TRPM3: variants seen among roughly 807,000 people sequenced by gnomAD.
TRPM3 encodes transient receptor potential cation channel subfamily M member 3.
In TRPM3, 77 loss-of-function variants were observed where a neutral mutation model predicts 181.2. The ratio of observed to expected loss-of-function variants is 0.42; its 90% CI spans 0.35 to 0.51. The LOEUF (loss-of-function observed/expected upper bound fraction) is 0.51, where lower values mean the gene tolerates loss of function less well. TRPM3 is among the 20% of genes least tolerant of loss of function. TRPM3 has a pLI of 0.01. For missense variants in TRPM3, 1,759 were observed against 2,196.7 expected, an observed-to-expected ratio of 0.80 and a Z score of 3.98; for synonymous variants, 745 against 796.4, an observed-to-expected ratio of 0.94 and a Z score of 1.09.
At chr9:70,699,568 A>G (rs1406478236) in intron 8 of TRPM3, among the ~76,000 whole-genome samples, 2 of 152,202 alleles carry the variant, frequency 1.3e-5, no homozygotes, top group African/African-American at 2.4e-5. Context: ...GGCACTTTAT[A>G]TACATTACCT....
At chr9:71,155,525 T>TATTTTA (rs2075955480) in intron 1 of TRPM3, among the ~76,000 whole-genome samples, 1 of 149,570 alleles carries the variant, frequency 6.7e-6, no homozygotes. Context: ...TATTTTATTT[T>TATTTTA]TGCATAATTA....
intron 25 of TRPM3, among the ~76,000 whole-genome samples, chr9:70,545,546 TTC>T (rs1392355172): frequency 1.5e-5 from 1 of 66,272 alleles, no homozygotes; most frequent in Non-Finnish European, 2.8e-5. Context: ...TTAATTTTCT[TTC>T]TTTTTTTTTT....
chr9:70,851,836 G>A (rs1015383067), intron 3 of TRPM3, among the ~76,000 whole-genome samples: 51 of 151,830 alleles, frequency 3.4e-4, no homozygotes, highest in African/African-American at 1.2e-3. Context: ...AAAAAATTCC[G>A]GCCAGGCGCA....
At chr9:71,190,897 C>G (rs2077980381) in intron 1 of TRPM3, among the ~76,000 whole-genome samples, 1 of 151,820 alleles carries the variant, frequency 6.6e-6, no homozygotes, top group African/African-American at 2.4e-5. Flanking sequence ...CACAGGTTCC[C>G]TGCCAACAAA....
intron 1 of TRPM3, among the ~76,000 whole-genome samples, chr9:71,234,373 G>T (rs1186235683): frequency 6.6e-6 from 1 of 152,170 alleles, no homozygotes; most frequent in Non-Finnish European, 1.5e-5. Context: ...ATCATTGGAG[G>T]CCATCTTAGG....
chr9:70,629,928 A>C (rs1236010990), intron 12 of TRPM3, among the ~76,000 whole-genome samples: 1 of 152,192 alleles, frequency 6.6e-6, no homozygotes, highest in African/African-American at 2.4e-5. Context: ...AACATGAATA[A>C]AATTGAGTAC....
intron 1 of TRPM3, among the ~76,000 whole-genome samples, chr9:71,006,798 G>T (rs2097679143): frequency 1.3e-5 from 2 of 150,858 alleles, no homozygotes; most frequent in Admixed American, 6.6e-5. Flanking sequence ...GTGAACCCGG[G>T]AGGCGGAGCT....
chr9:71,177,839 C>G (rs1373467537), intron 1 of TRPM3, among the ~76,000 whole-genome samples: 1 of 150,746 alleles, frequency 6.6e-6, no homozygotes, highest in East Asian at 2.0e-4. Flanking sequence ...CATTGACTTT[C>G]ATGAGGTTTT....
intron 1 of TRPM3, among the ~76,000 whole-genome samples, chr9:71,224,715 A>G (rs1471103952): frequency 6.6e-6 from 1 of 152,184 alleles, no homozygotes; most frequent in Non-Finnish European, 1.5e-5. Context: ...AAGTAATTAA[A>G]AAGAATTAAG....
chr9:70,674,572 T>TG (rs199885902), intron 9 of TRPM3, among the ~76,000 whole-genome samples: 411 of 150,070 alleles, frequency 2.7e-3, no homozygotes, highest in African/African-American at 9.7e-3. Flanking sequence ...AATTTTTTTT[T>TG]TGAGAGAGAT....
chr9:70,848,280 T>C (rs1300557262), intron 3 of TRPM3, among the ~76,000 whole-genome samples: 1 of 151,994 alleles, frequency 6.6e-6, no homozygotes, highest in East Asian at 1.9e-4. Flanking sequence ...TTAGATATAA[T>C]GATAATAGAT....
chr9:71,328,772 C>T (rs2089905648), intron 1 of TRPM3, among the ~76,000 whole-genome samples: 1 of 152,202 alleles, frequency 6.6e-6, no homozygotes, highest in African/African-American at 2.4e-5. Context: ...AAAGCTCCTT[C>T]AACTGCTCTG....
chr9:71,370,068 AG>A (rs2092462406), intron 1 of TRPM3, among the ~76,000 whole-genome samples: 1 of 152,194 alleles, frequency 6.6e-6, no homozygotes, highest in Admixed American at 6.5e-5. Flanking sequence ...AACATGATGA[AG>A]TTAATTGATA....
chr9:71,055,005 GT>G (rs1300718227), intron 1 of TRPM3, among the ~76,000 whole-genome samples: 1 of 152,134 alleles, frequency 6.6e-6, no homozygotes, highest in Non-Finnish European at 1.5e-5. Flanking sequence ...TGTTAACTAT[GT>G]TTGTAGTTTA....
intron 1 of TRPM3, among the ~76,000 whole-genome samples, chr9:71,174,712 G>T (rs186582953): frequency 7.4e-4 from 112 of 152,156 alleles, no homozygotes; most frequent in Admixed American, 2.6e-3. Flanking sequence ...AAATCTGAGG[G>T]TGAAAAAGAA....
intron 9 of TRPM3, among the ~76,000 whole-genome samples, chr9:70,654,835 C>G (rs956107098): frequency 1.3e-5 from 2 of 151,586 alleles, no homozygotes; most frequent in African/African-American, 4.8e-5. Context: ...GGCACCTGCA[C>G]CACGCCTGGC....
chr9:70,769,642 T>TA (rs913243430), intron 7 of TRPM3, among the ~76,000 whole-genome samples: 5 of 152,016 alleles, frequency 3.3e-5, no homozygotes, highest in East Asian at 3.9e-4. Context: ...TTAAGAAAAT[T>TA]AAAAAAAATC....
intron 6 of TRPM3, among the ~76,000 whole-genome samples, chr9:70,815,465 C>A (rs766157197): frequency 6.6e-6 from 1 of 152,112 alleles, no homozygotes; most frequent in Non-Finnish European, 1.5e-5. Flanking sequence ...TATTTATGCA[C>A]CCACAATAAA....
At chr9:70,605,783 C>A (rs1331373464) in intron 19 of TRPM3, among the ~76,000 whole-genome samples, 3 of 152,220 alleles carry the variant, frequency 2.0e-5, no homozygotes, top group Non-Finnish European at 4.4e-5. Flanking sequence ...TTAGTTGGGT[C>A]AAATTCCATC....
Sources: allele counts gnomAD v4.1 joint callset (sites outside exome capture counted in the v4.1 genomes callset), GRCh38; gene constraint gnomAD v4.1.1; transcripts MANE v1.5; gene names NCBI Gene and HGNC (gene_info 2026-07-23, HGNC 2026-07-21).